SULF1: variants seen among roughly 807,000 people sequenced by gnomAD.
SULF1 encodes the protein sulfatase 1.
A neutral mutation model predicts 110.5 loss-of-function variants in SULF1; 46 were observed. The ratio of observed to expected loss-of-function variants is 0.42; its 90% CI spans 0.33 to 0.53. SULF1 has a LOEUF of 0.53. Among genes scored for constraint, SULF1 ranks in the 20% least tolerant of loss-of-function variants. The probability of loss-of-function intolerance (pLI) is 0.12; values close to 1 mark genes in which losing one functional copy is unlikely to be tolerated. For synonymous variants in SULF1, 371 were observed against 387.1 expected, an observed-to-expected ratio of 0.96 and a Z score of 0.49; for missense variants, 941 against 1,094.2, an observed-to-expected ratio of 0.86 and a Z score of 1.98.
At chr8:69,625,368 C>A (rs944942961) in intron 15 of SULF1, among the ~76,000 whole-genome samples, 2 of 152,358 alleles carry the variant, frequency 1.3e-5, no homozygotes, top group African/African-American at 4.8e-5. Context: ...ATTTTGTCCT[C>A]ACTGGTGGCT....
intron 8 of SULF1, chr8:69,597,657 G>A (rs1003973845): frequency 1.3e-5 from 2 of 152,208 alleles, no homozygotes; most frequent in Admixed American, 6.5e-5. Context: ...ACTGGTGGAA[G>A]ATATAATTTC....
chr8:69,571,700 C>G (rs1017174596), intron 5 of SULF1, among the ~76,000 whole-genome samples: 6 of 152,176 alleles, frequency 3.9e-5, no homozygotes, highest in African/African-American at 1.4e-4. Flanking sequence ...CTGTCCACTG[C>G]TCTCAACAGC....
intron 5 of SULF1, among the ~76,000 whole-genome samples, chr8:69,573,427 G>A (rs1805385410): frequency 6.6e-6 from 1 of 152,160 alleles, no homozygotes; most frequent in Non-Finnish European, 1.5e-5. Context: ...CATATTTGTA[G>A]TCTAAATGAG....
At position 69,601,790 on chromosome 8, in the gene SULF1, CT is replaced by C. The variant is rs773014665; in HGVS notation, c.1029del (p.Phe343LeufsTer7). ...CCATATGACTTTGATATTCGTGTGC[CT>C]TTTTTTATTCGTGGTCCAAGTGTAG... is the stretch of plus-strand genomic sequence containing the variant. ...SMPYDFDIRV[P>X]FFIRGPSVEP... On this transcript the variant is annotated frameshift_variant, in exon 10 of 23. Transcript: ENST00000402687. LOFTEE classifies it high-confidence loss of function. The C allele has an allele frequency of 6.8e-6, 11 of 1,610,672 alleles. No individual in the cohort carries two copies. The highest frequency in any genetic ancestry group is 4.0e-5 in the African/African-American group (3 of 74,858).
intron 6 of SULF1, among the ~76,000 whole-genome samples, chr8:69,584,193 G>T (rs1806283192): frequency 6.6e-6 from 1 of 152,182 alleles, no homozygotes; most frequent in African/African-American, 2.4e-5. Context: ...GAAGTGGAAA[G>T]ACCCTCCATC....
intron 3 of SULF1, among the ~76,000 whole-genome samples, chr8:69,510,278 G>A (rs931506250): frequency 6.6e-6 from 1 of 152,226 alleles, no homozygotes; most frequent in South Asian, 2.1e-4. Context: ...CTAATTTAGA[G>A]AGACCCATGA....
intron 3 of SULF1, among the ~76,000 whole-genome samples, chr8:69,528,314 A>G (rs953821089): frequency 6.6e-6 from 1 of 152,174 alleles, no homozygotes; most frequent in African/African-American, 2.4e-5. Context: ...AATTCCTGTG[A>G]GATAGGACAG....
At chr8:69,520,960 T>C (rs1157056411) in intron 3 of SULF1, among the ~76,000 whole-genome samples, 1 of 152,182 alleles carries the variant, frequency 6.6e-6, no homozygotes, top group Non-Finnish European at 1.5e-5. Flanking sequence ...GTATACATAG[T>C]AGTTACTAGA....
intron 19 of SULF1, among the ~76,000 whole-genome samples, chr8:69,635,078 G>T (rs184668116): frequency 6.6e-6 from 1 of 152,342 alleles, no homozygotes; most frequent in African/African-American, 2.4e-5. Flanking sequence ...TTATAGGCGT[G>T]AGCCACCGCA....
intron 6 of SULF1, among the ~76,000 whole-genome samples, chr8:69,580,263 G>T (rs1432583474): frequency 6.6e-6 from 1 of 152,190 alleles, no homozygotes; most frequent in African/African-American, 2.4e-5. Flanking sequence ...ATAGGAATGA[G>T]ATTGGATTAT....
At chr8:69,563,641 T>G in intron 4 of SULF1, 30 bp downstream of exon 4, 1 of 230,940 alleles carries the variant, frequency 4.3e-6, no homozygotes, top group Non-Finnish European at 8.6e-6. Context: ...AGCTTTTACA[T>G]TTGAGCTCTG....
chr8:69,612,538 T>C (rs1167106844), intron 13 of SULF1, among the ~76,000 whole-genome samples: 4 of 111,738 alleles, frequency 3.6e-5, no homozygotes, highest in African/African-American at 1.4e-4. Flanking sequence ...CTTTTTATTA[T>C]AGCCATGCTT....
chr8:69,511,257 A>T (rs1261958845), intron 3 of SULF1, among the ~76,000 whole-genome samples: 1 of 152,150 alleles, frequency 6.6e-6, no homozygotes, highest in Admixed American at 6.5e-5. Context: ...CCAGTTTTTA[A>T]TTTTCTAATT....
chr8:69,579,237 T>C (rs1406065580), intron 6 of SULF1, among the ~76,000 whole-genome samples: 5 of 149,568 alleles, frequency 3.3e-5, no homozygotes, highest in Admixed American at 1.3e-4. Flanking sequence ...AAATCTAGAT[T>C]TGCCTATTAG....
chr8:69,501,452 C>T (rs558726128), intron 2 of SULF1, among the ~76,000 whole-genome samples: 80 of 152,210 alleles, frequency 5.3e-4, no homozygotes, highest in Non-Finnish European at 8.7e-4. Context: ...CAAATAATAG[C>T]TTGCTGCAAC....
intron 5 of SULF1, among the ~76,000 whole-genome samples, chr8:69,566,625 C>T (rs112741560): frequency 5.7e-4 from 87 of 152,160 alleles, no homozygotes; most frequent in African/African-American, 1.7e-3. Flanking sequence ...CTGAGGCAGG[C>T]GGATCACCTG....
intron 3 of SULF1, among the ~76,000 whole-genome samples, chr8:69,516,583 T>A (rs1811936051): frequency 6.6e-6 from 1 of 152,202 alleles, no homozygotes; most frequent in Non-Finnish European, 1.5e-5. Flanking sequence ...ACCTTTCATT[T>A]AAGTTTTGTC....
intron 10 of SULF1, 91 bp downstream of exon 10, chr8:69,601,920 T>A: frequency 2.2e-6 from 3 of 1,365,164 alleles, no homozygotes; most frequent in Admixed American, 2.4e-5. Flanking sequence ...TGGTTTCCTT[T>A]CATCCAAAAC....
In SULF1 at chr8:69,660,107, CA is replaced by C. The variant is rs1377033389; in HGVS notation, c.*1573del. 6.6e-6 allele frequency: 1 copy of C among 152,522 alleles called. No homozygotes were observed. The highest frequency in any genetic ancestry group is 1.9e-4 in the East Asian group (1 of 5,196). 9.4% of individuals were successfully genotyped at this position (152,522 alleles called of 1,614,324 possible). A position where few individuals can be genotyped will look rare whatever the true frequency, so the allele number is the denominator to read the frequency against. ...TAGCCTCAAAGCGTTCATCATACAT[CA>C]TACCTTTAAGATTGCTATATTTTGG... On this transcript the variant is annotated 3_prime_UTR_variant, in exon 23 of 23. Transcript: ENST00000402687.
Sources: gnomAD v4.1 joint callset for allele counts (sites outside exome capture counted in the v4.1 genomes callset) on GRCh38, gnomAD v4.1.1 for gene constraint, MANE v1.5 for transcripts, NCBI Gene and HGNC (gene_info 2026-07-23, HGNC 2026-07-21) for gene names.